The following TMEM233 variants were observed in gnomAD, a reference collection of about 807,000 sequenced individuals.
TMEM233 encodes the protein dispanin subfamily B member 2.
In TMEM233, 6 loss-of-function variants were observed where a neutral mutation model predicts 11.2. The ratio of observed to expected loss-of-function variants is 0.54; its 90% CI spans 0.29 to 1.06. The LOEUF is 1.06. Ranked by LOEUF, TMEM233 falls within the 50% of genes least tolerant of loss-of-function variation. The probability of loss-of-function intolerance (pLI) is 0.08; values close to 1 mark genes in which losing one functional copy is unlikely to be tolerated. For synonymous variants in TMEM233, 59 were observed against 55.8 expected (o/e 1.06, Z -0.26); for missense variants, 127 against 144.7 (o/e 0.88, Z 0.63).
intron 2 of TMEM233, among the ~76,000 whole-genome samples, chr12:119,632,845 C>T (rs1270197616): frequency 1.3e-5 from 2 of 152,184 alleles, no homozygotes; most frequent in Non-Finnish European, 2.9e-5. Context: ...ATATTTGCAG[C>T]CTAGACACTA....
chr12:119,614,402 C>G (rs1393562902), intron 1 of TMEM233, among the ~76,000 whole-genome samples: 1 of 144,914 alleles, frequency 6.9e-6, no homozygotes, highest in East Asian at 1.9e-4. Context: ...GAGAGAGACT[C>G]CATCTCAACG....
At chr12:119,599,465 G>T (rs540356517) in intron 1 of TMEM233, among the ~76,000 whole-genome samples, 263 of 152,202 alleles carry the variant, frequency 1.7e-3, no homozygotes, top group Non-Finnish European at 3.2e-3. Context: ...AATTTAAAAG[G>T]ATATAAACAC....
At chr12:119,608,674 C>T (rs1210143102) in intron 1 of TMEM233, among the ~76,000 whole-genome samples, 8 of 152,184 alleles carry the variant, frequency 5.3e-5, no homozygotes, top group Non-Finnish European at 8.8e-5. Context: ...GGGGGAAGAG[C>T]TTAAAGTCAA....
At chr12:119,650,450 C>T in the TMEM233 span, among the ~76,000 whole-genome samples, 1 of 152,208 alleles carries the variant, frequency 6.6e-6, no homozygotes, top group Non-Finnish European at 1.5e-5. Flanking sequence ...GAGTTTAGTT[C>T]ATAACTAAGC....
intron 1 of TMEM233, among the ~76,000 whole-genome samples, chr12:119,609,072 A>G (rs1438796431): frequency 6.6e-6 from 1 of 152,194 alleles, no homozygotes; most frequent in Non-Finnish European, 1.5e-5. Context: ...AAATGTGGGA[A>G]AGTTTGGAAC....
At chr12:119,606,354 C>T (rs575512882) in intron 1 of TMEM233, among the ~76,000 whole-genome samples, 2 of 152,060 alleles carry the variant, frequency 1.3e-5, no homozygotes, top group African/African-American at 4.8e-5. Context: ...AGAAAACTCA[C>T]TTCTCACTAA....
intron 1 of TMEM233, among the ~76,000 whole-genome samples, chr12:119,627,905 C>T (rs1030782179): frequency 5.9e-5 from 9 of 152,184 alleles, no homozygotes; most frequent in Non-Finnish European, 1.0e-4. Context: ...GGCAATGACT[C>T]GGAAGTTGTC....
At chr12:119,630,016 C>G in intron 2 of TMEM233, 144 bp downstream of exon 2, 1 of 1,030,208 alleles carries the variant, frequency 9.7e-7, no homozygotes, top group Non-Finnish European at 1.4e-6. Context: ...ATAAATTTGT[C>G]CCAGTCCAGA....
At chr12:119,632,354 T>G (rs1593308622) in intron 2 of TMEM233, among the ~76,000 whole-genome samples, 2 of 152,288 alleles carry the variant, frequency 1.3e-5, no homozygotes, top group East Asian at 3.9e-4. Flanking sequence ...ATAGTGTCGC[T>G]CTTCAGGCTG....
At chr12:119,649,854 TAAAAAAAAA>T in the TMEM233 span, among the ~76,000 whole-genome samples, 5 of 91,316 alleles carry the variant, frequency 5.5e-5, no homozygotes, top group Non-Finnish European at 7.9e-5. Flanking sequence ...GTTTAACTAT[TAAAAAAAAA>T]AAAAAAAAAA....
At position 119,596,130 on chromosome 12, in the gene TMEM233, G is replaced by C. The variant is rs528829174; in HGVS notation, c.186+2096G>C. On this transcript the variant is annotated intron_variant, in intron 1 of 2. Coordinates refer to ENST00000426426, the MANE Select transcript of TMEM233 (RefSeq NM_001136534.3). The stretch of plus-strand genomic sequence containing the variant: ...CCTTCCTTCCTCTCCCCATATATCC[G>C]GTCTTGACTTTTTTTGCCGAGAGTC... Among the ~76,000 whole-genome samples, 17 of 152,186 alleles carry C rather than the reference G, an allele frequency of 1.1e-4. No homozygotes were observed. In the South Asian group the frequency reaches 2.5e-3, roughly 22 times the overall value.
chr12:119,634,327 C>T (rs955403331), intron 2 of TMEM233: 56 of 963,400 alleles, frequency 5.8e-5, no homozygotes, highest in Non-Finnish European at 6.7e-5. Flanking sequence ...AATGCTGTCT[C>T]GGGGCTGGGT....
intron 2 of TMEM233, 96 bp from the exon 3 acceptor site, chr12:119,640,603 A>C: frequency 7.3e-7 from 1 of 1,361,982 alleles, no homozygotes; most frequent in Non-Finnish European, 1.0e-6. Context: ...AACCAGAGTC[A>C]TCATCATCAA....
chr12:119,594,278 C>T lies in TMEM233; in HGVS notation c.186+244C>T. ...CCTGATCAAGCTTCCCCCAGGCTAG[C>T]TTTCCTCTTCTTTCCAGCTCCCAGG... On this transcript the variant is annotated intron_variant, in intron 1 of 2. Transcript: ENST00000426426. This position sits in a 1 kb window ranked among gnomAD's most constrained non-coding sequence, Gnocchi z 5.6. 1 of 475,668 alleles carries T rather than the reference C, an allele frequency of 2.1e-6. No individual in the cohort carries two copies. The highest frequency in any genetic ancestry group is 3.4e-5 in the South Asian group (1 of 29,614). The allele number at this position is 475,668 out of a possible 1,614,324, so 29.5% of individuals were successfully genotyped here.
chr12:119,631,586 G>A (rs1050413797), intron 2 of TMEM233: 20 of 985,306 alleles, frequency 2.0e-5, no homozygotes, highest in Non-Finnish European at 2.4e-5. Flanking sequence ...GAAGATGGTT[G>A]GAGAATACAC....
Position 119,594,183 on chromosome 12 carries a change from T to C in TMEM233, c.186+149T>C, listed in dbSNP as rs1644026994. The stretch of plus-strand genomic sequence containing the variant: ...TTTGTCCTCGCACCTCCTCCTCACC[T>C]TTCTCGGGCTCTCAGAGCTCTCCCC... On this transcript the variant is annotated intron_variant, in intron 1 of 2. Coordinates refer to ENST00000426426, the MANE Select transcript of TMEM233 (RefSeq NM_001136534.3). This position sits in a 1 kb window ranked among gnomAD's most constrained non-coding sequence, Gnocchi z 5.6. The C allele has an allele frequency of 1.4e-6, 1 of 736,010 alleles. No individual in the cohort carries two copies. Among genetic ancestry groups the C allele is most frequent in the Non-Finnish European group, 2.2e-6 (1 of 455,816 alleles). The allele number at this position is 736,010 out of a possible 1,614,324, so 45.6% of individuals were successfully genotyped here.
intron 1 of TMEM233, among the ~76,000 whole-genome samples, chr12:119,597,698 G>A (rs1281204882): frequency 2.6e-5 from 4 of 152,190 alleles, no homozygotes; most frequent in Non-Finnish European, 5.9e-5. Context: ...GGGTTAGGAG[G>A]TGGCACACTA....
rs550019936 is a variant in TMEM233, at chr12:119,622,200, A to T, written c.187-7536A>T. The stretch of plus-strand genomic sequence containing the variant: ...CTTAGTCATAATGGAAGCAGGAGAA[A>T]GTGTCAGTTTTCTTTTCATATTATT... On this transcript the variant is annotated intron_variant, in intron 1 of 2. Transcript: ENST00000426426. Among the ~76,000 whole-genome samples the T allele has an allele frequency of 9.8e-5, 15 of 152,340 alleles. No homozygotes were observed. The South Asian group carries it at 3.1e-3, about 32-fold the overall frequency.
In TMEM233 at chr12:119,640,854, AAG is replaced by A; in HGVS notation, c.*151_*152del. On this transcript the variant is annotated 3_prime_UTR_variant, in exon 3 of 3. Coordinates refer to ENST00000426426, the MANE Select transcript of TMEM233 (RefSeq NM_001136534.3). ...AGAGGCAGGTCCCTGGCAAATGAAC[AAG>A]AAAAAAAAAAAAAAAAAGTCCAAAA... The A allele has an allele frequency of 7.6e-6, 4 of 529,532 alleles. No individual in the cohort carries two copies. Among genetic ancestry groups the A allele is most frequent in the South Asian group, 7.2e-5 (1 of 13,972 alleles). 32.8% of individuals were successfully genotyped at this position (529,532 alleles called of 1,614,324 possible).
Sources: gnomAD v4.1 joint callset for allele counts (sites outside exome capture counted in the v4.1 genomes callset) on GRCh38, gnomAD v4.1.1 for gene constraint, Gnocchi (gnomAD v3.1) non-coding constraint, MANE v1.5 for transcripts, NCBI Gene and HGNC (gene_info 2026-07-23, HGNC 2026-07-21) for gene names.